SIPA1L1: variants seen among roughly 807,000 people sequenced by gnomAD.
The protein encoded by SIPA1L1 is signal-induced proliferation-associated 1-like protein 1.
A neutral mutation model predicts 162.7 loss-of-function variants in SIPA1L1; 26 were observed. The observed-to-expected ratio is 0.16, with a 90% confidence interval of 0.12 to 0.22. SIPA1L1 has a LOEUF of 0.22. Among genes scored for constraint, SIPA1L1 ranks in the 10% least tolerant of loss-of-function variants. The pLI is 1.00. For synonymous variants in SIPA1L1, 829 were observed against 837.4 expected, an observed-to-expected ratio of 0.99 and a Z score of 0.17; for missense variants, 1,874 against 2,241.0, an observed-to-expected ratio of 0.84 and a Z score of 3.31.
chr14:71,509,421 TG>T (rs1403925068), intron 2 of SIPA1L1, among the ~76,000 whole-genome samples: 1 of 152,174 alleles, frequency 6.6e-6, no homozygotes, highest in African/African-American at 2.4e-5. Context: ...GCAGAACAAT[TG>T]TTTTTTTGTA....
chr14:71,650,714 A>T (rs1237513731), intron 8 of SIPA1L1, among the ~76,000 whole-genome samples: 1 of 152,160 alleles, frequency 6.6e-6, no homozygotes, highest in African/African-American at 2.4e-5. Context: ...CTAAAAAAAT[A>T]GTGTTGTCAG....
At chr14:71,515,708 G>A (rs550655626) in intron 3 of SIPA1L1, among the ~76,000 whole-genome samples, 2 of 151,924 alleles carry the variant, frequency 1.3e-5, no homozygotes, top group Admixed American at 6.6e-5. Context: ...GCAGTGGCGC[G>A]ATCTCAGCAA....
intron 2 of SIPA1L1, among the ~76,000 whole-genome samples, chr14:71,383,838 C>T (rs946989976): frequency 1.3e-5 from 2 of 152,310 alleles, no homozygotes; most frequent in African/African-American, 2.4e-5. Context: ...GCAGGCCCCA[C>T]CTTCCACACT....
intron 4 of SIPA1L1, among the ~76,000 whole-genome samples, chr14:71,541,655 C>A (rs1302257830): frequency 6.6e-6 from 1 of 152,072 alleles, no homozygotes; most frequent in East Asian, 1.9e-4. Context: ...CACCTGTAGT[C>A]CTAGCTGCTT....
chr14:71,568,338 T>C (rs1207083390), intron 4 of SIPA1L1, among the ~76,000 whole-genome samples: 1 of 152,132 alleles, frequency 6.6e-6, no homozygotes, highest in East Asian at 1.9e-4. Flanking sequence ...CGAATAGGTG[T>C]GATGATATTC....
intron 4 of SIPA1L1, among the ~76,000 whole-genome samples, chr14:71,561,541 A>G (rs555052102): frequency 4.6e-4 from 70 of 152,344 alleles, no homozygotes; most frequent in Middle Eastern, 3.4e-3. Context: ...TTAATTAACA[A>G]GTGAAGAATT....
chr14:71,371,334 A>G (rs1419772528), intron 2 of SIPA1L1, among the ~76,000 whole-genome samples: 1 of 152,206 alleles, frequency 6.6e-6, no homozygotes, highest in Non-Finnish European at 1.5e-5. Flanking sequence ...ATGAAAGATT[A>G]AAATGGTCTG....
chr14:71,685,934 G>C (rs1057499737), intron 13 of SIPA1L1, among the ~76,000 whole-genome samples: 4 of 152,146 alleles, frequency 2.6e-5, no homozygotes, highest in Admixed American at 2.0e-4. Context: ...TTAGAATTTA[G>C]CAGACTCTTT....
intron 2 of SIPA1L1, among the ~76,000 whole-genome samples, chr14:71,415,270 T>C (rs1017592172): frequency 2.0e-5 from 3 of 152,214 alleles, no homozygotes; most frequent in African/African-American, 7.2e-5. Context: ...TGGGAATCAT[T>C]ATCTCTGAAA....
At chr14:71,676,660 G>C (rs867204447) in intron 12 of SIPA1L1, among the ~76,000 whole-genome samples, 1 of 122,484 alleles carries the variant, frequency 8.2e-6, no homozygotes, top group African/African-American at 3.2e-5. Flanking sequence ...AGTGTGTGCT[G>C]TTCCCCTTCC....
intron 2 of SIPA1L1, among the ~76,000 whole-genome samples, chr14:71,408,277 A>G (rs958073949): frequency 1.3e-5 from 2 of 152,298 alleles, no homozygotes; most frequent in African/African-American, 4.8e-5. Flanking sequence ...ACAGAGAAGC[A>G]TTGTTCTGCT....
chr14:71,567,581 T>A (rs141462579), intron 4 of SIPA1L1, among the ~76,000 whole-genome samples: 5,670 of 151,578 alleles, frequency 0.037, 124 homozygotes, highest in African/African-American at 0.073. Context: ...TTCTTGATTA[T>A]ATACTAAACA....
intron 5 of SIPA1L1, among the ~76,000 whole-genome samples, chr14:71,606,441 T>G (rs2037511119): frequency 6.6e-6 from 1 of 152,040 alleles, no homozygotes; most frequent in African/African-American, 2.4e-5. Flanking sequence ...GTGCTGTTGA[T>G]CCCTAGGGCA....
intron 7 of SIPA1L1, among the ~76,000 whole-genome samples, chr14:71,645,219 CT>C (rs1435170382): frequency 6.6e-6 from 1 of 152,178 alleles, no homozygotes; most frequent in Non-Finnish European, 1.5e-5. Context: ...ATCATCTTGT[CT>C]TCCTCTTCCA....
At chr14:71,513,935 C>T (rs1190134145) in intron 3 of SIPA1L1, among the ~76,000 whole-genome samples, 1 of 152,166 alleles carries the variant, frequency 6.6e-6, no homozygotes, top group Non-Finnish European at 1.5e-5. Flanking sequence ...CCTTGGGAGT[C>T]CTCCGCTGTT....
intron 5 of SIPA1L1, among the ~76,000 whole-genome samples, chr14:71,614,067 G>A (rs1009558079): frequency 6.6e-5 from 10 of 152,108 alleles, no homozygotes; most frequent in Non-Finnish European, 1.3e-4. Context: ...AGGCGTGGTG[G>A]CACGTGCCTG....
At chr14:71,585,715 C>T (rs919044790) in intron 4 of SIPA1L1, among the ~76,000 whole-genome samples, 7 of 152,126 alleles carry the variant, frequency 4.6e-5, no homozygotes, top group Non-Finnish European at 1.0e-4. Context: ...ATTTGGATTT[C>T]TGTGAGGTTG....
At chr14:71,572,436 T>A (rs754333334) in intron 4 of SIPA1L1, among the ~76,000 whole-genome samples, 1 of 152,184 alleles carries the variant, frequency 6.6e-6, no homozygotes, top group Non-Finnish European at 1.5e-5. Flanking sequence ...ATGCACCCCT[T>A]CTTAGGCAGT....
intron 2 of SIPA1L1, among the ~76,000 whole-genome samples, chr14:71,337,845 C>CT (rs1393609150): frequency 6.6e-6 from 1 of 152,148 alleles, no homozygotes. Flanking sequence ...GTTCAGGAGG[C>CT]TGAGATGGGA....
Sources: allele counts gnomAD v4.1 joint callset (sites outside exome capture counted in the v4.1 genomes callset), GRCh38; gene constraint gnomAD v4.1.1; transcripts MANE v1.5; gene names NCBI Gene and HGNC (gene_info 2026-07-23, HGNC 2026-07-21).